ZDHHC6: variants seen among roughly 807,000 people sequenced by gnomAD.
ZDHHC6 encodes the protein zDHHC palmitoyltransferase 6, also known as palmitoyltransferase ZDHHC6.
ZDHHC6 carries 32 observed loss-of-function variants against 57.8 expected under a neutral mutation model. The ratio of observed to expected loss-of-function variants is 0.55; its 90% confidence interval spans 0.42 to 0.74. The LOEUF is 0.74. Among genes scored for constraint, ZDHHC6 ranks in the 30% least tolerant of loss-of-function variants. The probability of loss-of-function intolerance (pLI) is 0.00; values close to 1 mark genes in which losing one functional copy is unlikely to be tolerated. For synonymous variants in ZDHHC6, 128 were observed against 158.0 expected, an observed-to-expected ratio of 0.81 and a Z score of 1.42; for missense variants, 433 against 500.7, an observed-to-expected ratio of 0.86 and a Z score of 1.29.
In ZDHHC6 at chr10:112,443,622, G is replaced by A. The variant is rs1250860501; in HGVS notation, c.268-16C>T. ...GAGAAATTTCCTTGGCAGCAAAACAGAAACAAAAATGCATCATCGGATACT... is the reference window on the plus strand; with the variant it reads ...GAGAAATTTCCTTGGCAGCAAAACAAAAACAAAAATGCATCATCGGATACT... On this transcript the variant is annotated splice_polypyrimidine_tract_variant and intron_variant, in intron 2 of 10. Coordinates refer to ENST00000369405, the MANE Select transcript of ZDHHC6 (RefSeq NM_022494.3). 1 of 1,600,080 alleles carries A rather than the reference G, an allele frequency of 6.2e-7. No individual in the cohort carries two copies. The highest frequency in any genetic ancestry group is 1.3e-5 in the African/African-American group (1 of 74,512).
chr10:112,426,873 C>G (rs781057450), downstream of ZDHHC6: 1 of 1,588,202 alleles, frequency 6.3e-7, no homozygotes, highest in East Asian at 2.2e-5. Flanking sequence ...TGTGCTACCA[C>G]TGATGTTATA....
At chr10:112,443,985 A>G (rs1264723073) in intron 2 of ZDHHC6, among the ~76,000 whole-genome samples, 1 of 152,158 alleles carries the variant, frequency 6.6e-6, no homozygotes, top group African/African-American at 2.4e-5. Context: ...TCCCTCCTTG[A>G]CATTACCCGT....
intron 2 of ZDHHC6, among the ~76,000 whole-genome samples, chr10:112,444,725 C>T (rs1846469689): frequency 6.6e-6 from 1 of 152,170 alleles, no homozygotes; most frequent in Admixed American, 6.5e-5. Flanking sequence ...TTGGACTATA[C>T]TTCCCAATGT....
intron 4 of ZDHHC6, 70 bp from the exon 5 acceptor site, chr10:112,440,765 C>T (rs761321301): frequency 7.7e-6 from 11 of 1,424,886 alleles, no homozygotes; most frequent in South Asian, 3.5e-5. Flanking sequence ...TACTGTGACA[C>T]GTAAAACAAC....
intron 4 of ZDHHC6, among the ~76,000 whole-genome samples, chr10:112,441,120 C>T (rs555400130): frequency 1.3e-5 from 2 of 152,356 alleles, no homozygotes; most frequent in South Asian, 4.1e-4. Context: ...GCTAGGATTA[C>T]AGGCGTGAGC....
upstream of ZDHHC6, chr10:112,447,360 G>C (rs775988341): frequency 1.2e-6 from 2 of 1,611,884 alleles, no homozygotes; most frequent in South Asian, 1.1e-5. Flanking sequence ...TGGGCTACTC[G>C]TTCCGGAGCC....
intron 2 of ZDHHC6, among the ~76,000 whole-genome samples, chr10:112,444,596 G>A (rs1482775912): frequency 6.6e-6 from 1 of 152,174 alleles, no homozygotes; most frequent in African/African-American, 2.4e-5. Flanking sequence ...GCTTCAGTAT[G>A]TCTGAAGTGG....
Position 112,446,708 on chromosome 10 carries a change from A to T in ZDHHC6, c.-218T>A, listed in dbSNP as rs1434766381. On this transcript the variant is annotated 5_prime_UTR_variant, in exon 1 of 11. The change abolishes the stop of an existing upstream ORF in the 5' untranslated region. Coordinates refer to ENST00000369405, the MANE Select transcript of ZDHHC6 (RefSeq NM_022494.3). ...TATTCCCTGCCTTGACTCCCACCTC[A>T]GTGTGGTCCCTGGTGTCTGCTCCTC... The T allele has an allele frequency of 6.4e-6, 1 of 157,156 alleles. No homozygotes were observed. The highest frequency in any genetic ancestry group is 1.4e-5 in the Non-Finnish European group (1 of 71,100). The allele number at this position is 157,156 out of a possible 1,614,324, so 9.7% of individuals were successfully genotyped here. A position where few individuals can be genotyped will look rare whatever the true frequency, so the allele number is the denominator to read the frequency against.
At chr10:112,443,854 G>A (rs1330151597) in intron 2 of ZDHHC6, among the ~76,000 whole-genome samples, 1 of 152,126 alleles carries the variant, frequency 6.6e-6, no homozygotes, top group Non-Finnish European at 1.5e-5. Context: ...AGTGTCACTA[G>A]TTGGTTCTAC....
chr10:112,432,649 G>A (rs1845152989), intron 8 of ZDHHC6, 128 bp from the exon 9 acceptor site: 3 of 1,185,262 alleles, frequency 2.5e-6, no homozygotes, highest in Non-Finnish European at 3.5e-6. Flanking sequence ...CCCTTCTAGG[G>A]GAACCTCCCA....
rs1846796811 is a variant in ZDHHC6 at position 112,446,722 on chromosome 10, T to C, written c.-232A>G. The C allele has an allele frequency of 1.9e-5, 3 of 159,120 alleles. No individual in the cohort carries two copies. The East Asian group carries it at 4.7e-4, about 25-fold the overall frequency. The allele number at this position is 159,120 out of a possible 1,614,324, so 9.9% of individuals were successfully genotyped here. On this transcript the variant is annotated 5_prime_UTR_variant, in exon 1 of 11. Coordinates refer to ENST00000369405, the MANE Select transcript of ZDHHC6 (RefSeq NM_022494.3). ...ACTCCCACCTCAGTGTGGTCCCTGG[T>C]GTCTGCTCCTCAGCCATCGCATATC...
intron 6 of ZDHHC6, 52 bp from the exon 7 acceptor site, chr10:112,434,516 C>A: frequency 6.5e-7 from 1 of 1,534,174 alleles, no homozygotes; most frequent in Non-Finnish European, 8.8e-7. Context: ...AAGTGGCCTG[C>A]AGTAATATGT....
At chr10:112,426,314 C>G, downstream of ZDHHC6, 7 of 1,614,052 alleles carry the variant, frequency 4.3e-6, no homozygotes, top group Non-Finnish European at 5.9e-6. Context: ...CATTTGCAGC[C>G]AAGCTTGGGG....
intron 8 of ZDHHC6, 103 bp from the exon 9 acceptor site, chr10:112,432,624 C>A (rs961278111): frequency 2.1e-6 from 3 of 1,426,636 alleles, no homozygotes; most frequent in Non-Finnish European, 2.8e-6. Context: ...TATCCAGTGA[C>A]AAGCCTTCTA....
chr10:112,432,319 T>C, intron 9 of ZDHHC6, 33 bp from the exon 10 acceptor site: 6 of 1,606,792 alleles, frequency 3.7e-6, no homozygotes, highest in Non-Finnish European at 5.1e-6. Context: ...ATTAATTTTT[T>C]AGGCTAGATA....
At chr10:112,437,865 T>C (rs1845693213) in intron 6 of ZDHHC6, among the ~76,000 whole-genome samples, 1 of 152,130 alleles carries the variant, frequency 6.6e-6, no homozygotes, top group South Asian at 2.1e-4. Context: ...CAGAGCAGGG[T>C]AGTCAGATTT....
At chr10:112,434,985 A>G (rs1027527658) in intron 6 of ZDHHC6, among the ~76,000 whole-genome samples, 3 of 152,372 alleles carry the variant, frequency 2.0e-5, no homozygotes, top group Non-Finnish European at 2.9e-5. Flanking sequence ...GGAAAGGTGT[A>G]ACAGGAGAGC....
intron 2 of ZDHHC6, 102 bp from the exon 3 acceptor site, chr10:112,443,708 A>G: frequency 1.2e-6 from 1 of 828,008 alleles, no homozygotes; most frequent in Non-Finnish European, 1.9e-6. Flanking sequence ...GGAAGGAGAG[A>G]ATCTTAACTT....
chr10:112,439,660 A>AAAAAAAAAG (rs1845910480), intron 5 of ZDHHC6, among the ~76,000 whole-genome samples: 1 of 138,812 alleles, frequency 7.2e-6, no homozygotes, highest in Non-Finnish European at 1.6e-5. Flanking sequence ...AAAAAAAAAA[A>AAAAAAAAAG]AAAAAAAAAG....
Sources: gnomAD v4.1 joint callset for allele counts (sites outside exome capture counted in the v4.1 genomes callset) on GRCh38, gnomAD v4.1.1 for gene constraint, MANE v1.5 for transcripts, NCBI Gene and HGNC (gene_info 2026-07-23, HGNC 2026-07-21) for gene names.